CACNB4: variants seen among roughly 807,000 people sequenced by gnomAD.
The protein encoded by CACNB4 is calcium voltage-gated channel auxiliary subunit beta 4.
Under a neutral mutation model 71.2 loss-of-function variants are expected in CACNB4, and 32 were observed. That is an observed-to-expected ratio of 0.45 (90% CI 0.34 to 0.60). CACNB4 has a LOEUF of 0.60. CACNB4 is among the 20% of genes least tolerant of loss of function. The pLI, the probability that CACNB4 is intolerant of heterozygous loss-of-function variation, is 0.01. For synonymous variants in CACNB4, 231 were observed against 236.9 expected, an observed-to-expected ratio of 0.97 and a Z score of 0.23; for missense variants, 464 against 647.9, an observed-to-expected ratio of 0.72 and a Z score of 3.08.
At chr2:152,039,494 T>C (rs1001492917) in intron 2 of CACNB4, among the ~76,000 whole-genome samples, 1 of 152,088 alleles carries the variant, frequency 6.6e-6, no homozygotes, top group African/African-American at 2.4e-5. Flanking sequence ...GGAGGAAGCC[T>C]ACACTTCTCC....
chr2:151,995,277 C>T (rs991881815), intron 2 of CACNB4, among the ~76,000 whole-genome samples: 3 of 149,978 alleles, frequency 2.0e-5, no homozygotes, highest in Non-Finnish European at 4.4e-5. Flanking sequence ...CAGGCCATAA[C>T]AATAAACCAC....
chr2:151,959,754 T>C (rs2099869178), intron 2 of CACNB4, among the ~76,000 whole-genome samples: 1 of 152,236 alleles, frequency 6.6e-6, no homozygotes, highest in Non-Finnish European at 1.5e-5. Context: ...TAGCTATTTT[T>C]ATACCTGTGT....
At chr2:151,881,956 C>A (rs1380184589) in intron 3 of CACNB4, among the ~76,000 whole-genome samples, 4 of 148,362 alleles carry the variant, frequency 2.7e-5, no homozygotes, top group Admixed American at 1.4e-4. Context: ...TCTCGGCTGA[C>A]TGCAACCTCT....
chr2:151,889,211 G>C (rs556443038), intron 2 of CACNB4, among the ~76,000 whole-genome samples: 1 of 152,242 alleles, frequency 6.6e-6, no homozygotes, highest in Non-Finnish European at 1.5e-5. Context: ...GCTCATGCCT[G>C]TAATCCCAGC....
intron 2 of CACNB4, among the ~76,000 whole-genome samples, chr2:152,084,014 T>C (rs896262896): frequency 2.0e-5 from 3 of 152,162 alleles, no homozygotes; most frequent in Non-Finnish European, 4.4e-5. Flanking sequence ...ATATTTTAAA[T>C]ATATAAATTA....
In CACNB4 at chr2:151,835,233, T is replaced by C. The variant is rs550653334; in HGVS notation, c.*3886A>G. 3.3e-5 allele frequency: 5 copies of C among 152,072 alleles called. No homozygotes were observed. The highest frequency in any genetic ancestry group is 1.2e-4 in the African/African-American group (5 of 41,568). 9.4% of individuals were successfully genotyped at this position (152,072 alleles called of 1,614,324 possible). On this transcript the variant is annotated 3_prime_UTR_variant, in exon 14 of 14. Coordinates refer to ENST00000539935, the MANE Select transcript of CACNB4 (RefSeq NM_000726.5). ...TTGTTCCCTATGATGACTTATTTGT[T>C]AAATTAACCTTGCCTCATGATAAAC...
chr2:152,027,009 C>T (rs1408167674), intron 2 of CACNB4, among the ~76,000 whole-genome samples: 2 of 152,020 alleles, frequency 1.3e-5, no homozygotes, highest in Admixed American at 6.6e-5. Flanking sequence ...TGGGTTCAAG[C>T]GATTCTTCTA....
At chr2:152,032,436 T>C (rs1223297406) in intron 2 of CACNB4, among the ~76,000 whole-genome samples, 2 of 152,342 alleles carry the variant, frequency 1.3e-5, no homozygotes, top group Admixed American at 1.3e-4. Flanking sequence ...AGCTATCAAC[T>C]ATTGATGGTG....
In CACNB4 at chr2:151,983,194, G is replaced by A. The variant is rs185350984; in HGVS notation, c.148-99824C>T. On this transcript the variant is annotated intron_variant, in intron 2 of 13. Coordinates refer to ENST00000539935, the MANE Select transcript of CACNB4 (RefSeq NM_000726.5). ...GCCAATTTTACACAGCTTTTTCAAA[G>A]CCCAAATGAATTCAAAGAAAAATCT... is the stretch of plus-strand genomic sequence containing the variant. Among the ~76,000 whole-genome samples, 7 of 152,292 alleles carry A rather than the reference G, an allele frequency of 4.6e-5. No homozygotes were observed. The East Asian group carries it at 1.3e-3, about 29-fold the overall frequency.
chr2:152,098,666 G>A lies in CACNB4; in HGVS notation c.64-253C>T, dbSNP rs778282520. On this transcript the variant is annotated intron_variant, in intron 1 of 13. Coordinates refer to ENST00000539935, the MANE Select transcript of CACNB4 (RefSeq NM_000726.5). The surrounding 1 kb of genome is among the most constrained non-coding windows in gnomAD (Gnocchi z 5.3). ...CACATCCATTAACAAAGACTCTCAG[G>A]GTGCGGGGTCCGAGTCCCCGGCATC... 5.1e-6 allele frequency: 8 copies of A among 1,569,608 alleles called. No individual in the cohort carries two copies. In the East Asian group the frequency reaches 1.9e-4, roughly 37 times the overall value.
chr2:152,047,485 T>C lies in CACNB4; in HGVS notation c.147+50845A>G, dbSNP rs558748522. ...TCCACATACGACCTGTAACCTTCAC[T>C]TCAAGATATCCCATCTTTTTGGGCC... On this transcript the variant is annotated intron_variant, in intron 2 of 13. Transcript: ENST00000539935. Among the ~76,000 whole-genome samples, 4 of 152,340 alleles carry C rather than the reference T, an allele frequency of 2.6e-5. No homozygotes were observed. In the South Asian group the frequency reaches 8.3e-4, roughly 32 times the overall value.
chr2:151,950,029 G>T (rs915961932), intron 2 of CACNB4, among the ~76,000 whole-genome samples: 25 of 151,706 alleles, frequency 1.6e-4, no homozygotes, highest in Non-Finnish European at 5.9e-5. Context: ...AACAGAGCAA[G>T]ACTCCATCTC....
intron 2 of CACNB4, among the ~76,000 whole-genome samples, chr2:151,925,142 A>G (rs2099859910): frequency 6.6e-6 from 1 of 152,226 alleles, no homozygotes; most frequent in Non-Finnish European, 1.5e-5. Flanking sequence ...GCCATTAAAC[A>G]GTGGTTAGTG....
At chr2:151,931,402 T>A (rs2099861588) in intron 2 of CACNB4, among the ~76,000 whole-genome samples, 6 of 152,234 alleles carry the variant, frequency 3.9e-5, no homozygotes, top group Admixed American at 3.9e-4. Context: ...GTTTACTGTG[T>A]TCTAATTATT....
At chr2:151,914,959 G>A (rs1034861981) in intron 2 of CACNB4, among the ~76,000 whole-genome samples, 2 of 152,162 alleles carry the variant, frequency 1.3e-5, no homozygotes, top group African/African-American at 4.8e-5. Flanking sequence ...ACCCAGTTGA[G>A]TGGCACGGGG....
chr2:151,987,306 T>C (rs780850350), intron 2 of CACNB4, among the ~76,000 whole-genome samples: 47 of 152,170 alleles, frequency 3.1e-4, no homozygotes, highest in Non-Finnish European at 6.2e-4. Context: ...TTCTTTACAG[T>C]ATACTCCCGT....
At chr2:151,992,815 G>C (rs1259650324) in intron 2 of CACNB4, among the ~76,000 whole-genome samples, 1 of 152,200 alleles carries the variant, frequency 6.6e-6, no homozygotes, top group East Asian at 1.9e-4. Context: ...AATGTAAGCT[G>C]AGTATTTCAC....
At chr2:151,920,974 T>C (rs948994043) in intron 2 of CACNB4, among the ~76,000 whole-genome samples, 40 of 151,858 alleles carry the variant, frequency 2.6e-4, no homozygotes, top group African/African-American at 9.7e-4. Flanking sequence ...CCGTCTCTAC[T>C]AAAAATACAA....
chr2:152,062,381 C>T (rs965544964), intron 2 of CACNB4, among the ~76,000 whole-genome samples: 2 of 152,282 alleles, frequency 1.3e-5, no homozygotes, highest in African/African-American at 4.8e-5. Flanking sequence ...CTTCACTGAC[C>T]ACTCTTCTAA....
Sources: allele counts gnomAD v4.1 joint callset (sites outside exome capture counted in the v4.1 genomes callset), GRCh38; gene constraint gnomAD v4.1.1; non-coding constraint Gnocchi (gnomAD v3.1); transcripts MANE v1.5; gene names NCBI Gene and HGNC (gene_info 2026-07-23, HGNC 2026-07-21).